The following PDE3A variants were observed in gnomAD, a reference collection of about 807,000 sequenced individuals.
PDE3A encodes phosphodiesterase 3A.
Under a neutral mutation model 98.3 loss-of-function variants are expected in PDE3A, and 43 were observed. The ratio of observed to expected loss-of-function variants is 0.44; its 90% CI spans 0.34 to 0.56. The LOEUF (loss-of-function observed/expected upper bound fraction) is 0.56, where lower values mean the gene tolerates loss of function less well. Ranked by LOEUF, PDE3A falls within the 20% of genes least tolerant of loss-of-function variation. The probability of loss-of-function intolerance (pLI) is 0.01; values close to 1 mark genes in which losing one functional copy is unlikely to be tolerated. For synonymous variants in PDE3A, 663 were observed against 567.9 expected (o/e 1.17, Z -2.38); for missense variants, 1,427 against 1,440.7 (o/e 0.99, Z 0.15).
chr12:20,552,893 A>C lies in PDE3A; in HGVS notation c.961-3767A>C. On this transcript the variant is annotated intron_variant, in intron 1 of 15. Coordinates refer to ENST00000359062, the MANE Select transcript of PDE3A (RefSeq NM_000921.5). The surrounding 1 kb of genome is among the most constrained non-coding windows in gnomAD (Gnocchi z 5.1). Reference sequence around the variant, plus strand: ...TGCCTGGACAGATCCTTTCGGGCACAGGTGTTCAGCTGCCCTGCCTGCCGC... The same window carrying C: ...TGCCTGGACAGATCCTTTCGGGCACCGGTGTTCAGCTGCCCTGCCTGCCGC... 6.2e-7 allele frequency: 1 copy of C among 1,611,168 alleles called. No individual in the cohort carries two copies. Among genetic ancestry groups the C allele is most frequent in the Non-Finnish European group, 8.5e-7 (1 of 1,178,606 alleles).
intron 14 of PDE3A, among the ~76,000 whole-genome samples, chr12:20,653,626 G>A (rs7297826): frequency 0.025 from 3,864 of 152,218 alleles, 143 homozygotes; most frequent in African/African-American, 0.087. Context: ...GATTACAGGC[G>A]TGAGCCACCA....
intron 10 of PDE3A, among the ~76,000 whole-genome samples, chr12:20,645,158 G>A (rs1247131402): frequency 6.6e-6 from 1 of 150,912 alleles, no homozygotes; most frequent in Admixed American, 6.6e-5. Context: ...CAAAATGCTG[G>A]AATTACAGGC....
intron 1 of PDE3A, among the ~76,000 whole-genome samples, chr12:20,507,571 A>T (rs898874417): frequency 1.3e-5 from 2 of 152,008 alleles, no homozygotes; most frequent in African/African-American, 4.8e-5. Context: ...CTTGACTTAG[A>T]TACCTAACAG....
rs1945377102 is a variant in PDE3A at position 20,668,354 on chromosome 12, A to C, written c.3185-11676A>C. ...AACTGGGTGGAGCCCACCACAGCTC[A>C]AGGAGGCCTGCCTGCCTCTGTAGGC... is the stretch of plus-strand genomic sequence containing the variant. On this transcript the variant is annotated intron_variant, in intron 15 of 15. Transcript: ENST00000359062. Among the ~76,000 whole-genome samples the C allele has an allele frequency of 3.3e-5, 5 of 152,294 alleles. No homozygotes were observed. In the South Asian group the frequency reaches 1.0e-3, roughly 32 times the overall value.
At chr12:20,370,684 G>A (rs1018680514) in intron 1 of PDE3A, among the ~76,000 whole-genome samples, 1 of 152,060 alleles carries the variant, frequency 6.6e-6, no homozygotes, top group African/African-American at 2.4e-5. Context: ...TTTTTAAAAA[G>A]TAAAATCTTT....
intron 1 of PDE3A, among the ~76,000 whole-genome samples, chr12:20,429,717 A>G (rs12369443): frequency 0.18 from 27,795 of 152,168 alleles, 2,746 homozygotes; most frequent in Non-Finnish European, 0.21. Context: ...GTTGAAATAC[A>G]TAGATTTGGA....
rs571132265 is a variant in PDE3A at position 20,680,872 on chromosome 12, AAGAG to A, written c.*605_*608del. The A allele has an allele frequency of 4.5e-3, 495 of 111,056 alleles. 2 individuals are homozygous for A. The highest frequency in any genetic ancestry group is 0.014 in the East Asian group (55 of 4,024). 6.9% of individuals were successfully genotyped at this position (111,056 alleles called of 1,614,324 possible). ...TGTGTGTGTGTGTGTGTGTGTGTGA[AAGAG>A]AGACAGAAGGGAATGGTTTGAGAGG... On this transcript the variant is annotated 3_prime_UTR_variant, in exon 16 of 16. Transcript: ENST00000359062.
chr12:20,386,090 A>AATATATAT (rs1204683049), intron 1 of PDE3A, among the ~76,000 whole-genome samples: 1 of 15,148 alleles, frequency 6.6e-5, no homozygotes, highest in African/African-American at 1.8e-4. Flanking sequence ...TAAATATATA[A>AATATATAT]ATATATATAA....
At chr12:20,511,349 C>T (rs1946218515) in intron 1 of PDE3A, among the ~76,000 whole-genome samples, 1 of 151,664 alleles carries the variant, frequency 6.6e-6, no homozygotes, top group Non-Finnish European at 1.5e-5. Context: ...TAATCTAGGG[C>T]TGGTTCAGGA....
chr12:20,655,637 C>T (rs1328049452), intron 15 of PDE3A, among the ~76,000 whole-genome samples: 1 of 152,124 alleles, frequency 6.6e-6, no homozygotes, highest in African/African-American at 2.4e-5. Flanking sequence ...AATAAGTCAG[C>T]CTGGACAAGC....
intron 15 of PDE3A, among the ~76,000 whole-genome samples, chr12:20,662,579 C>T (rs1235825250): frequency 1.3e-5 from 2 of 152,140 alleles, no homozygotes; most frequent in Non-Finnish European, 2.9e-5. Flanking sequence ...CCCTAGAGAT[C>T]TGTGAAACTT....
chr12:20,385,975 T>TAATATA (rs1943751604), intron 1 of PDE3A, among the ~76,000 whole-genome samples: 1 of 88,554 alleles, frequency 1.1e-5, no homozygotes, highest in African/African-American at 4.0e-5. Flanking sequence ...ATATTAATTA[T>TAATATA]TAATATATAA....
intron 1 of PDE3A, among the ~76,000 whole-genome samples, chr12:20,478,310 A>G (rs1393098974): frequency 6.6e-6 from 1 of 152,226 alleles, no homozygotes; most frequent in African/African-American, 2.4e-5. Context: ...CTGATATAGT[A>G]TATAGTTGTA....
intron 10 of PDE3A, among the ~76,000 whole-genome samples, chr12:20,644,953 G>C (rs1944741335): frequency 6.8e-6 from 1 of 146,034 alleles, no homozygotes; most frequent in Non-Finnish European, 1.5e-5. Context: ...CAGTGGCGCA[G>C]TCTCAGCTCA....
At chr12:20,659,208 C>G (rs1319010053) in intron 15 of PDE3A, among the ~76,000 whole-genome samples, 1 of 152,068 alleles carries the variant, frequency 6.6e-6, no homozygotes, top group Non-Finnish European at 1.5e-5. Context: ...CCTCAGCACT[C>G]ATTCAATTTA....
At position 20,687,914 on chromosome 12, in the gene PDE3A, G is replaced by GACAAAA. The variant is rs1946016104; in HGVS notation, c.*7644_*7645insCAAAAA. Among the ~76,000 whole-genome samples, 2 of 94,312 alleles carry GACAAAA rather than the reference G, an allele frequency of 2.1e-5. No homozygotes were observed. Among genetic ancestry groups the GACAAAA allele is most frequent in the African/African-American group, 8.5e-5 (2 of 23,402 alleles). The allele number at this position is 94,312 out of a possible 152,430, so 61.9% of individuals were successfully genotyped here. On this transcript the variant is annotated 3_prime_UTR_variant, in exon 16 of 16. Coordinates refer to ENST00000359062, the MANE Select transcript of PDE3A (RefSeq NM_000921.5). ...GACCAGTCATTACCTCTTCCCAACA[G>GACAAAA]AAAAAAAAAAAAAAAAAAAAAAACT...
chr12:20,375,720 C>T (rs1007292773), intron 1 of PDE3A, among the ~76,000 whole-genome samples: 5 of 151,882 alleles, frequency 3.3e-5, no homozygotes, highest in Non-Finnish European at 7.4e-5. Flanking sequence ...TGTGACACAG[C>T]ATTTGTCTCT....
chr12:20,589,664 C>T (rs113693971), intron 2 of PDE3A, among the ~76,000 whole-genome samples: 4,842 of 151,696 alleles, frequency 0.032, 102 homozygotes, highest in Middle Eastern at 0.048. Flanking sequence ...GTCAGGAGAT[C>T]GAGACCATCC....
At chr12:20,548,596 C>T (rs772758857) in intron 1 of PDE3A, among the ~76,000 whole-genome samples, 29 of 152,036 alleles carry the variant, frequency 1.9e-4, no homozygotes, top group Non-Finnish European at 3.8e-4. Flanking sequence ...ATTAGCATTC[C>T]TTCTCCAAAA....
Sources: allele counts gnomAD v4.1 joint callset (sites outside exome capture counted in the v4.1 genomes callset), GRCh38; gene constraint gnomAD v4.1.1; non-coding constraint Gnocchi (gnomAD v3.1); transcripts MANE v1.5; gene names NCBI Gene and HGNC (gene_info 2026-07-23, HGNC 2026-07-21).